Variants in WDR25 observed in about 807,000 individuals in gnomAD.
WDR25 encodes WD repeat domain 25.
WDR25 carries 35 observed loss-of-function variants against 47.7 expected under a neutral mutation model. That is an observed-to-expected ratio of 0.73 (90% CI 0.56 to 0.97). The LOEUF (loss-of-function observed/expected upper bound fraction) is 0.97, where lower values mean the gene tolerates loss of function less well. WDR25 is among the 50% of genes least tolerant of loss of function. The pLI is 0.00. For missense variants in WDR25, 634 were observed against 704.7 expected (o/e 0.90, Z 1.14); for synonymous variants, 248 against 278.9 (o/e 0.89, Z 1.10).
At position 100,430,348 on chromosome 14, in the gene WDR25, T is replaced by A. The variant is rs1898294409; in HGVS notation, c.823-37673T>A. On this transcript the variant is annotated intron_variant, in intron 2 of 6. Transcript: ENST00000402312. The surrounding 1 kb of genome is among the most constrained non-coding windows in gnomAD (Gnocchi z 4.7). ...TGGGGAAATGGAGGAATTGTGACAT[T>A]TGCCCTAGGTGATGGGGTGCTGCTA... Among the ~76,000 whole-genome samples the A allele has an allele frequency of 6.6e-6, 1 of 152,122 alleles. No homozygotes were observed. Among genetic ancestry groups the A allele is most frequent in the South Asian group, 2.1e-4 (1 of 4,826 alleles).
intron 2 of WDR25, chr14:100,455,482 A>G (rs1372843380): frequency 1.3e-5 from 2 of 152,192 alleles, no homozygotes; most frequent in Non-Finnish European, 2.9e-5. Context: ...GAAGAAAAAA[A>G]TATTTTCAAT....
At chr14:100,376,744 CG>C in intron 1 of WDR25, 3 of 1,229,926 alleles carry the variant, frequency 2.4e-6, no homozygotes, top group Non-Finnish European at 3.0e-6. Context: ...CTGGGGCCTC[CG>C]GGGGGATCTG....
At chr14:100,448,229 T>C (rs1335921647) in intron 2 of WDR25, among the ~76,000 whole-genome samples, 3 of 147,550 alleles carry the variant, frequency 2.0e-5, no homozygotes, top group Non-Finnish European at 4.5e-5. Context: ...TTTAGGAACA[T>C]TGGAAAATGT....
rs1400719896 is a variant in WDR25 at position 100,500,390 on chromosome 14, G to T, written c.1101+16266G>T. Reference sequence around the variant, plus strand: ...CCAGGGACCCGAGGAGGGTGAAGTGGCTCTGGCTGTGGAGGGTGGAGAAGG... The same window carrying T: ...CCAGGGACCCGAGGAGGGTGAAGTGTCTCTGGCTGTGGAGGGTGGAGAAGG... On this transcript the variant is annotated intron_variant, in intron 4 of 6. Coordinates refer to ENST00000402312, the MANE Select transcript of WDR25 (RefSeq NM_001161476.3). The surrounding 1 kb of genome is among the most constrained non-coding windows in gnomAD (Gnocchi z 4.7). Among the ~76,000 whole-genome samples the T allele has an allele frequency of 6.6e-6, 1 of 152,188 alleles. No homozygotes were observed. Among genetic ancestry groups the T allele is most frequent in the African/African-American group, 2.4e-5 (1 of 41,450 alleles).
At chr14:100,427,442 A>C (rs1278412802) in intron 2 of WDR25, among the ~76,000 whole-genome samples, 1 of 152,182 alleles carries the variant, frequency 6.6e-6, no homozygotes, top group Non-Finnish European at 1.5e-5. Flanking sequence ...CACAGTCAGC[A>C]GGGTGCAGTA....
At position 100,523,418 on chromosome 14, in the gene WDR25, G is replaced by A. The variant is rs2029956096; in HGVS notation, c.1102-2452G>A. Among the ~76,000 whole-genome samples, 1 of 152,178 alleles carries A rather than the reference G, an allele frequency of 6.6e-6. No individual in the cohort carries two copies. Among genetic ancestry groups the A allele is most frequent in the African/African-American group, 2.4e-5 (1 of 41,444 alleles). On this transcript the variant is annotated intron_variant, in intron 4 of 6. Coordinates refer to ENST00000402312, the MANE Select transcript of WDR25 (RefSeq NM_001161476.3). This position sits in a 1 kb window ranked among gnomAD's most constrained non-coding sequence, Gnocchi z 4.7. Reference sequence around the variant, plus strand: ...TGGGTGCAGAGGACTGGCAGCATGGGGTGAGGGATAGCTGGGTGCATCCGC... The same window carrying A: ...TGGGTGCAGAGGACTGGCAGCATGGAGTGAGGGATAGCTGGGTGCATCCGC...
chr14:100,446,959 A>ATTAT (rs1456971753), intron 2 of WDR25, among the ~76,000 whole-genome samples: 1 of 152,214 alleles, frequency 6.6e-6, no homozygotes, highest in Non-Finnish European at 1.5e-5. Flanking sequence ...CGGAGTCATC[A>ATTAT]TTATTATCCC....
At position 100,500,606 on chromosome 14, in the gene WDR25, C is replaced by T. The variant is rs1900889508; in HGVS notation, c.1101+16482C>T. Among the ~76,000 whole-genome samples the T allele has an allele frequency of 6.6e-6, 1 of 152,116 alleles. No individual in the cohort carries two copies. On this transcript the variant is annotated intron_variant, in intron 4 of 6. Transcript: ENST00000402312. This position sits in a 1 kb window ranked among gnomAD's most constrained non-coding sequence, Gnocchi z 4.7. ...CTAGGCAGGGCCTGGGGTTTTGGGG[C>T]CCCCCACAGTTTTGACGCTGGCTCA... is the stretch of plus-strand genomic sequence containing the variant.
rs1166425002 is a variant in WDR25 at position 100,502,917 on chromosome 14, T to G, written c.1101+18793T>G. ...ACAACATATGAGGGAATGGTGAGGG[T>G]TTTTTGTTGCTGGAGAACACGCAGT... On this transcript the variant is annotated intron_variant, in intron 4 of 6. Transcript: ENST00000402312. The surrounding 1 kb of genome is among the most constrained non-coding windows in gnomAD (Gnocchi z 4.5). 6.6e-6 allele frequency among the ~76,000 whole-genome samples: 1 copy of G among 151,482 alleles called. No homozygotes were observed.
chr14:100,497,395 A>G (rs903614853), intron 4 of WDR25, among the ~76,000 whole-genome samples: 2 of 152,064 alleles, frequency 1.3e-5, no homozygotes, highest in African/African-American at 4.8e-5. Context: ...TTTGCTTCAT[A>G]TACTTTGAAG....
At chr14:100,504,279 A>T (rs771452857) in intron 4 of WDR25, among the ~76,000 whole-genome samples, 25 of 152,246 alleles carry the variant, frequency 1.6e-4, no homozygotes, top group Non-Finnish European at 3.1e-4. Flanking sequence ...ATTTGCTTTA[A>T]ACAGTGCCTT....
At chr14:100,519,819 C>A in intron 4 of WDR25, among the ~76,000 whole-genome samples, 1 of 131,612 alleles carries the variant, frequency 7.6e-6, no homozygotes, top group Admixed American at 8.2e-5. Flanking sequence ...TATATGTATA[C>A]TATATGTATA....
chr14:100,440,501 G>C lies in WDR25; in HGVS notation c.823-27520G>C, dbSNP rs557485320. 6.6e-6 allele frequency among the ~76,000 whole-genome samples: 1 copy of C among 152,198 alleles called. No individual in the cohort carries two copies. Among genetic ancestry groups the C allele is most frequent in the African/African-American group, 2.4e-5 (1 of 41,446 alleles). On this transcript the variant is annotated intron_variant, in intron 2 of 6. Transcript: ENST00000402312. The surrounding 1 kb of genome is among the most constrained non-coding windows in gnomAD (Gnocchi z 4.4). ...TTTTGGGGCATGGGAGGGGCTGGCC[G>C]TCATGATTCAGCATGCTAGCTCTCT...
chr14:100,401,642 A>G (rs1174616716), intron 2 of WDR25, among the ~76,000 whole-genome samples: 2 of 152,140 alleles, frequency 1.3e-5, no homozygotes, highest in Non-Finnish European at 2.9e-5. Flanking sequence ...GTTGGTTGAC[A>G]TTTTTCTTTT....
At chr14:100,514,718 T>C (rs1398375273) in intron 4 of WDR25, among the ~76,000 whole-genome samples, 1 of 152,158 alleles carries the variant, frequency 6.6e-6, no homozygotes, top group Non-Finnish European at 1.5e-5. Flanking sequence ...TTGTTATTAT[T>C]TTTGCTGGAA....
In WDR25 at chr14:100,430,151, G is replaced by GGTGTGTGTGTGTGTGTGT. The variant is rs59318813; in HGVS notation, c.823-37853_823-37836dup. On this transcript the variant is annotated intron_variant, in intron 2 of 6. Coordinates refer to ENST00000402312, the MANE Select transcript of WDR25 (RefSeq NM_001161476.3). The surrounding 1 kb of genome is among the most constrained non-coding windows in gnomAD (Gnocchi z 4.7). ...CAAATCTTGCAGACCAAGGGGGCCT[G>GGTGTGTGTGTGTGTGTGT]GTGTGTGTGTGTGTGTGTGTGTGTG... 1.4e-4 allele frequency among the ~76,000 whole-genome samples: 20 copies of GGTGTGTGTGTGTGTGTGT among 146,892 alleles called. No homozygotes were observed. Among genetic ancestry groups the GGTGTGTGTGTGTGTGTGT allele is most frequent in the African/African-American group, 5.0e-4 (20 of 39,900 alleles).
chr14:100,438,683 T>A (rs573265354), intron 2 of WDR25, among the ~76,000 whole-genome samples: 27 of 152,304 alleles, frequency 1.8e-4, no homozygotes, highest in Non-Finnish European at 3.2e-4. Context: ...TCTCTGGCTT[T>A]TTCATCCAAA....
intron 4 of WDR25, among the ~76,000 whole-genome samples, chr14:100,503,055 G>T (rs956024725): frequency 6.6e-6 from 1 of 151,806 alleles, no homozygotes; most frequent in African/African-American, 2.4e-5. Context: ...GTGTGTGTGT[G>T]TGCGTGTGTG....
chr14:100,433,474 T>C (rs1209454319), intron 2 of WDR25, among the ~76,000 whole-genome samples: 1 of 152,272 alleles, frequency 6.6e-6, no homozygotes, highest in Non-Finnish European at 1.5e-5. Context: ...GTGTAGTTAA[T>C]ATTTTGCCTT....
Sources: allele counts gnomAD v4.1 joint callset (sites outside exome capture counted in the v4.1 genomes callset), GRCh38; gene constraint gnomAD v4.1.1; non-coding constraint Gnocchi (gnomAD v3.1); transcripts MANE v1.5; gene names NCBI Gene and HGNC (gene_info 2026-07-23, HGNC 2026-07-21).